The following ZNF587B variants were observed in gnomAD, a reference collection of about 807,000 sequenced individuals.
The protein encoded by ZNF587B is zinc finger protein 587B.
Under a neutral mutation model 7.2 loss-of-function variants are expected in ZNF587B, and 6 were observed. That is an observed-to-expected ratio of 0.83 (90% confidence interval 0.46 to 1.65). The LOEUF is 1.65. Among genes scored for constraint, ZNF587B ranks in the 40% most tolerant of loss-of-function variants. The pLI is 0.01. For missense variants in ZNF587B, 749 were observed against 761.0 expected (o/e 0.98, Z 0.19); for synonymous variants, 274 against 254.3 (o/e 1.08, Z -0.74).
intron 1 of ZNF587B, among the ~76,000 whole-genome samples, chr19:57,838,513 A>G (rs1988715964): frequency 6.6e-6 from 1 of 150,958 alleles, no homozygotes; most frequent in South Asian, 2.1e-4. Flanking sequence ...AGGCAGAAGA[A>G]TTGCTGGAAC....
At position 57,841,875 on chromosome 19, in the gene ZNF587B, C is replaced by G. The variant is rs1057096685; in HGVS notation, c.1201C>G (p.Gln401Glu). The stretch of plus-strand genomic sequence containing the variant: ...TTCAAAGGGGCACCTTAGGATCCAT[C>G]AGCGCATGCACACTGGAGAAAGACC... Reference protein sequence around the residue: ...YISKGHLRIHQRMHTGERPYK... With the variant: ...YISKGHLRIHERMHTGERPYK... Residue 401 changes from glutamine (Q) to glutamate (E), a missense_variant, in exon 3 of 3, where the codon CAG becomes GAG. Transcript: ENST00000594901. 1.2e-6 allele frequency: 2 copies of G among 1,613,336 alleles called. No individual in the cohort carries two copies. The highest frequency in any genetic ancestry group is 2.7e-5 in the African/African-American group (2 of 74,856).
rs1438415030 is a variant in ZNF587B, at chr19:57,839,142, C to T, written c.156C>T (p.Ser52=). The T allele has an allele frequency of 3.1e-6, 5 of 1,614,156 alleles. No individual in the cohort carries two copies. The highest frequency in any genetic ancestry group is 8.5e-7 in the Non-Finnish European group (1 of 1,180,016). ...CTCTGGAGAACCTGGCACTTATGTCCTCCCTGGGTAAGTTGCTCACACTCA... is the reference window on the plus strand; with the variant it reads ...CTCTGGAGAACCTGGCACTTATGTCTTCCCTGGGTAAGTTGCTCACACTCA... ...DVTLENLALM[S]SLGCWCGVED... is the part of the protein sequence containing the mutation. Residue 52 remains serine (S), a synonymous_variant, in exon 2 of 3, where the codon TCC becomes TCT. Coordinates refer to ENST00000594901, the MANE Select transcript of ZNF587B (RefSeq NM_001376223.1).
In ZNF587B at chr19:57,842,129, G is replaced by T. The variant is rs755286171; in HGVS notation, c.1455G>T (p.Gln485His). The change falls in exon 3 of 3, where the codon CAG (glutamine) becomes CAT (histidine). Residue 485 changes from glutamine to histidine, a missense_variant. Gln to His is a conservative substitution (Grantham distance 24, BLOSUM62 0). Coordinates refer to ENST00000594901, the MANE Select transcript of ZNF587B (RefSeq NM_001376223.1). ...AGAAGTCTCACCTCCTTGTACACCA[G>T]AGAATTCACAGTGGAGAGAAGCCAT... ...FKKKSHLLVH[Q>H]RIHSGEKPYA... The T allele has an allele frequency of 2.5e-6, 4 of 1,611,056 alleles. No individual in the cohort carries two copies. In the African/African-American group the frequency reaches 5.3e-5, roughly 22 times the overall value.
rs758156637 is a variant in ZNF587B at position 57,841,692 on chromosome 19, A to C, written c.1018A>C (p.Asn340His). 111 of 1,606,286 alleles carry C rather than the reference A, an allele frequency of 6.9e-5. No homozygotes were observed. The highest frequency in any genetic ancestry group is 8.7e-5 in the Non-Finnish European group (102 of 1,176,648). The change falls in exon 3 of 3, where the codon AAC (asparagine) becomes CAC (histidine). Residue 340 changes from asparagine (N) to histidine (H), a missense_variant. Around this residue, in one of 3 missense-constraint regions of ZNF587B, gnomAD observed 656 missense variants for 596.5 expected, o/e 1.10. Coordinates refer to ENST00000594901, the MANE Select transcript of ZNF587B (RefSeq NM_001376223.1). ...ECGKSFSSNVNLKSHQRIHTG... is the reference protein window; with the variant it reads ...ECGKSFSSNVHLKSHQRIHTG... ...TGGGAAATCTTTTAGTTCAAACGTGAACCTTAAGAGTCATCAGCGCATTCA... is the reference window on the plus strand; with the variant it reads ...TGGGAAATCTTTTAGTTCAAACGTGCACCTTAAGAGTCATCAGCGCATTCA...
chr19:57,839,716 C>T (rs1157438356), intron 2 of ZNF587B, among the ~76,000 whole-genome samples: 1 of 151,896 alleles, frequency 6.6e-6, no homozygotes, highest in African/African-American at 2.4e-5. Context: ...GCACAGTCCT[C>T]CATTTGATCC....
intron 1 of ZNF587B, among the ~76,000 whole-genome samples, chr19:57,836,506 A>G (rs1423351825): frequency 1.3e-5 from 2 of 152,042 alleles, no homozygotes; most frequent in Admixed American, 6.5e-5. Context: ...CTCTTTTTAT[A>G]TATTTAAAAT....
intron 1 of ZNF587B, 21 bp downstream of exon 1, chr19:57,830,585 G>A: frequency 1.9e-6 from 3 of 1,549,850 alleles, no homozygotes; most frequent in East Asian, 4.9e-5. Context: ...TGCCTTCCAT[G>A]CCCTCAGGTC....
chr19:57,840,440 A>C (rs1273438510), intron 2 of ZNF587B, among the ~76,000 whole-genome samples: 1 of 152,108 alleles, frequency 6.6e-6, no homozygotes, highest in African/African-American at 2.4e-5. Context: ...TTGTGTTAGC[A>C]AGTATATACG....
intron 2 of ZNF587B, 104 bp downstream of exon 2, chr19:57,839,253 C>T (rs2122232649): frequency 2.0e-6 from 3 of 1,527,994 alleles, no homozygotes; most frequent in Non-Finnish European, 2.6e-6. Context: ...ACACAGCTTC[C>T]TGCTTCAGTT....
Position 57,843,135 on chromosome 19 carries a change from C to A in ZNF587B, c.*559C>A. The A allele has an allele frequency of 1.8e-6, 1 of 554,704 alleles. No individual in the cohort carries two copies. Among genetic ancestry groups the A allele is most frequent in the Non-Finnish European group, 2.3e-6 (1 of 436,788 alleles). 34.4% of individuals were successfully genotyped at this position (554,704 alleles called of 1,614,324 possible). ...CTTAGCCTCCATGTAGCTGGGTCCA[C>A]AGGCATGCACCACCATGCCTGGCTA... On this transcript the variant is annotated 3_prime_UTR_variant, in exon 3 of 3. Transcript: ENST00000594901.
chr19:57,831,334 G>T (rs1182665882), intron 1 of ZNF587B, among the ~76,000 whole-genome samples: 2 of 152,218 alleles, frequency 1.3e-5, no homozygotes, highest in Non-Finnish European at 2.9e-5. Flanking sequence ...GAATCCTCTA[G>T]TGAGAACTGA....
chr19:57,841,878 C>T lies in ZNF587B; in HGVS notation c.1204C>T (p.Arg402Cys), dbSNP rs538668617. 1.7e-5 allele frequency: 27 copies of T among 1,613,490 alleles called. No homozygotes were observed. Among genetic ancestry groups the T allele is most frequent in the South Asian group, 1.1e-4 (10 of 91,014 alleles). Residue 402 changes from arginine to cysteine, a missense_variant, in exon 3 of 3, where the codon CGC becomes TGC. This residue lies in a region of ZNF587B where 656 missense variants were observed against 596.5 expected (regional missense o/e 1.10). Coordinates refer to ENST00000594901, the MANE Select transcript of ZNF587B (RefSeq NM_001376223.1). Reference protein sequence around the residue: ...ISKGHLRIHQRMHTGERPYKC... With the variant: ...ISKGHLRIHQCMHTGERPYKC... ...AAAGGGGCACCTTAGGATCCATCAG[C>T]GCATGCACACTGGAGAAAGACCTTA... is the stretch of plus-strand genomic sequence containing the variant.
intron 1 of ZNF587B, among the ~76,000 whole-genome samples, chr19:57,834,615 A>G (rs1330174216): frequency 1.0e-5 from 1 of 98,922 alleles, no homozygotes; most frequent in Non-Finnish European, 2.1e-5. Context: ...AGGCGGATCA[A>G]CTGAAGTCAG....
chr19:57,842,570 C>T lies in ZNF587B; in HGVS notation c.1896C>T (p.Ala632=). 5 of 1,513,376 alleles carry T rather than the reference C, an allele frequency of 3.3e-6. No homozygotes were observed. The highest frequency in any genetic ancestry group is 4.4e-6 in the Non-Finnish European group (5 of 1,137,826). 93.7% of individuals were successfully genotyped at this position (1,513,376 alleles called of 1,614,324 possible). The change falls in exon 3 of 3, where the codon GCC becomes GCT. Residue 632 remains alanine, a synonymous_variant. Coordinates refer to ENST00000594901, the MANE Select transcript of ZNF587B (RefSeq NM_001376223.1). ...ATCAGAGAGTTCATGAAAGAAAGGC[C>T]TTATGAGTGCAGAGAATGAGTCCAG... ...RYHQRVHERK[A]L
chr19:57,835,246 G>C (rs1456667207), intron 1 of ZNF587B, among the ~76,000 whole-genome samples: 2 of 102,498 alleles, frequency 2.0e-5, no homozygotes, highest in African/African-American at 8.4e-5. Context: ...TGGCCAAGGA[G>C]ATGTCGCTAG....
rs1419631777 is a variant in ZNF587B at position 57,843,102 on chromosome 19, C to T, written c.*526C>T. ...CCTCCGCCCCCTAGGCTCAAGTGAT[C>T]TTCCCACCTTAGCCTCCATGTAGCT... On this transcript the variant is annotated 3_prime_UTR_variant, in exon 3 of 3. Transcript: ENST00000594901. The T allele has an allele frequency of 3.1e-6, 2 of 646,810 alleles. No individual in the cohort carries two copies. Among genetic ancestry groups the T allele is most frequent in the East Asian group, 2.7e-4 (2 of 7,280 alleles). 40.1% of individuals were successfully genotyped at this position (646,810 alleles called of 1,614,324 possible).
In ZNF587B at chr19:57,843,551, T is replaced by G; in HGVS notation, c.*975T>G. The G allele has an allele frequency of 2.0e-6, 2 of 984,706 alleles. No homozygotes were observed. Among genetic ancestry groups the G allele is most frequent in the Non-Finnish European group, 2.4e-6 (2 of 829,762 alleles). The allele number at this position is 984,706 out of a possible 1,614,324, so 61.0% of individuals were successfully genotyped here. On this transcript the variant is annotated 3_prime_UTR_variant, in exon 3 of 3. Coordinates refer to ENST00000594901, the MANE Select transcript of ZNF587B (RefSeq NM_001376223.1). ...CTCCCATTCACGAGAGATTTTTTTTTTAAGTTTTTTGTTTGGTTGGTTGGT... is the reference window on the plus strand; with the variant it reads ...CTCCCATTCACGAGAGATTTTTTTTGTAAGTTTTTTGTTTGGTTGGTTGGT...
At chr19:57,840,261 C>T (rs1172602378) in intron 2 of ZNF587B, among the ~76,000 whole-genome samples, 1 of 151,934 alleles carries the variant, frequency 6.6e-6, no homozygotes, top group Non-Finnish European at 1.5e-5. Flanking sequence ...ACACTTGTCA[C>T]TTGTCTATCT....
chr19:57,830,856 G>A (rs1988356846), intron 1 of ZNF587B, among the ~76,000 whole-genome samples: 1 of 152,096 alleles, frequency 6.6e-6, no homozygotes, highest in Non-Finnish European at 1.5e-5. Flanking sequence ...AACGCTCAAA[G>A]TTCTCGCGGC....
Sources: allele counts gnomAD v4.1 joint callset (sites outside exome capture counted in the v4.1 genomes callset), GRCh38; gene constraint gnomAD v4.1.1; regional missense constraint gnomAD v4.1.1; transcripts MANE v1.5; gene names NCBI Gene and HGNC (gene_info 2026-07-23, HGNC 2026-07-21).